The following RPL27A variants were observed in gnomAD, a reference collection of about 807,000 sequenced individuals.
The protein encoded by RPL27A is ribosomal protein L27a.
For missense variants in RPL27A, 118 were observed against 189.4 expected, an observed-to-expected ratio of 0.62 and a Z score of 2.21; for synonymous variants, 69 against 68.3, an observed-to-expected ratio of 1.01 and a Z score of -0.05.
chr11:8,687,685 G>C lies in RPL27A; in HGVS notation c.*1879G>C, dbSNP rs912497039. ...GCTCTGTCGCCCAGGCTGGAGTGCA[G>C]TGGTGCGATCTCAGATCACTGCAAG... On this transcript the variant is annotated 3_prime_UTR_variant, in exon 5 of 5. Transcript: ENST00000314138. The C allele has an allele frequency of 2.0e-5, 3 of 152,308 alleles. No individual in the cohort carries two copies. The highest frequency in any genetic ancestry group is 4.8e-5 in the African/African-American group (2 of 41,470). 9.4% of individuals were successfully genotyped at this position (152,308 alleles called of 1,614,324 possible).
Position 8,684,837 on chromosome 11 carries a change from T to G in RPL27A, c.263T>G (p.Val88Gly). The change falls in exon 4 of 5, where the codon GTG (valine) becomes GGG (glycine). Residue 88 changes from valine to glycine, a missense_variant. By Grantham distance (109) the Val-to-Gly change is moderately radical. Coordinates refer to ENST00000314138, the MANE Select transcript of RPL27A (RefSeq NM_000990.5). The part of the protein sequence containing the change: ...LWTLVSEQTR[V>G]NAAKNKTGAA... The stretch of plus-strand genomic sequence containing the variant: ...ACTTTGGTCAGTGAACAGACACGGG[T>G]GAATGCTGCTAAAAACAAGACTGGG... The G allele has an allele frequency of 2.5e-6, 4 of 1,614,030 alleles. No individual in the cohort carries two copies. Among genetic ancestry groups the G allele is most frequent in the Non-Finnish European group, 3.4e-6 (4 of 1,179,894 alleles).
intron 2 of RPL27A, 159 bp from the exon 3 acceptor site, chr11:8,683,847 C>G (rs1417793583): frequency 3.0e-6 from 2 of 676,346 alleles, no homozygotes; most frequent in South Asian, 1.5e-5. Flanking sequence ...CCGGCTAATT[C>G]TTTTTCTATT....
rs747224686 is a variant in RPL27A at position 8,684,867 on chromosome 11, C to T, written c.293C>T (p.Ala98Val). Residue 98 changes from alanine (A) to valine (V), a missense_variant, in exon 4 of 5, where the codon GCT becomes GTT. Transcript: ENST00000314138. ...VNAAKNKTGA[A>V]PIIDVVRSGY... ...GCTGCTAAAAACAAGACTGGGGCTG[C>T]TCCCATCATTGATGTGGTGCGATCG... The T allele has an allele frequency of 6.2e-7, 1 of 1,614,132 alleles. No individual in the cohort carries two copies. The highest frequency in any genetic ancestry group is 8.5e-7 in the Non-Finnish European group (1 of 1,179,982).
chr11:8,683,385 C>G, intron 2 of RPL27A, 120 bp downstream of exon 2: 1 of 805,524 alleles, frequency 1.2e-6, no homozygotes, highest in Non-Finnish European at 2.1e-6. Flanking sequence ...AGTTGCACAG[C>G]TGTTGATTTT....
At chr11:8,685,467 A>G (rs2039577587) in intron 4 of RPL27A, 1 of 717,306 alleles carries the variant, frequency 1.4e-6, no homozygotes, top group South Asian at 1.4e-5. Flanking sequence ...TCCTGACACA[A>G]CTCTTGTCCT....
chr11:8,684,345 T>C (rs1379179241), intron 3 of RPL27A: 8 of 734,302 alleles, frequency 1.1e-5, no homozygotes, highest in Non-Finnish European at 2.0e-5. Context: ...AGTCACCAGG[T>C]TAGAGACATG....
Position 8,685,822 on chromosome 11 carries a change from G to A in RPL27A, c.*16G>A. ...GGTGGCTTGAAGCCACATGGAGGGAGTTTCATTAAATGCTAACTACTTTTT... is the reference window on the plus strand; with the variant it reads ...GGTGGCTTGAAGCCACATGGAGGGAATTTCATTAAATGCTAACTACTTTTT... On this transcript the variant is annotated 3_prime_UTR_variant, in exon 5 of 5. Coordinates refer to ENST00000314138, the MANE Select transcript of RPL27A (RefSeq NM_000990.5). 1 of 1,612,770 alleles carries A rather than the reference G, an allele frequency of 6.2e-7. No homozygotes were observed. Among genetic ancestry groups the A allele is most frequent in the Non-Finnish European group, 8.5e-7 (1 of 1,179,282 alleles).
chr11:8,685,552 C>T (rs1229185275), intron 4 of RPL27A, 126 bp from the exon 5 acceptor site: 2 of 1,065,672 alleles, frequency 1.9e-6, no homozygotes. Flanking sequence ...CCCGTTAGTG[C>T]CCAGATCAGA....
intron 2 of RPL27A, 73 bp from the exon 3 acceptor site, chr11:8,683,933 T>C (rs7951084): frequency 0.16 from 196,323 of 1,204,760 alleles, 15,160 homozygotes; most frequent in East Asian, 0.25. Context: ...CTACCCCCCC[T>C]CGTCCTCCTA....
chr11:8,688,947 T>C lies in RPL27A; in HGVS notation c.*3141T>C, dbSNP rs1041132910. 3.9e-5 allele frequency: 6 copies of C among 152,244 alleles called. No homozygotes were observed. Among genetic ancestry groups the C allele is most frequent in the Admixed American group, 1.3e-4 (2 of 15,290 alleles). 9.4% of individuals were successfully genotyped at this position (152,244 alleles called of 1,614,324 possible). ...CGTCCTCACAACACAGACCGGACCT[T>C]GGGTCTTACCCCGGCACCTGAGAAC... On this transcript the variant is annotated 3_prime_UTR_variant, in exon 5 of 5. Coordinates refer to ENST00000314138, the MANE Select transcript of RPL27A (RefSeq NM_000990.5).
In RPL27A at chr11:8,685,690, G is replaced by C. The variant is rs765217724; in HGVS notation, c.331G>C (p.Val111Leu). The change falls in exon 5 of 5, where the codon GTT (valine) becomes CTT (leucine). Residue 111 changes from valine to leucine, a missense_variant. Transcript: ENST00000314138. ...TCTGTTCTTCTAGGGCTACTACAAAGTTCTGGGAAAGGGAAAGCTCCCAAA... is the reference window on the plus strand; with the variant it reads ...TCTGTTCTTCTAGGGCTACTACAAACTTCTGGGAAAGGGAAAGCTCCCAAA... ...IDVVRSGYYKVLGKGKLPKQP... is the reference protein window; with the variant it reads ...IDVVRSGYYKLLGKGKLPKQP... The C allele has an allele frequency of 6.2e-7, 1 of 1,614,136 alleles. No homozygotes were observed. Among genetic ancestry groups the C allele is most frequent in the South Asian group, 1.1e-5 (1 of 91,078 alleles).
rs1342275315 is a variant in RPL27A, at chr11:8,685,934, G to GAT, written c.*129_*130insTA. On this transcript the variant is annotated 3_prime_UTR_variant, in exon 5 of 5. Coordinates refer to ENST00000314138, the MANE Select transcript of RPL27A (RefSeq NM_000990.5). The stretch of plus-strand genomic sequence containing the variant: ...CAGGTTCTAGTACTTAGGGTATGAA[G>GAT]ACATGGGGTCCTCTCCTGACTTCCC... 4.8e-6 allele frequency: 4 copies of GAT among 830,584 alleles called. No individual in the cohort carries two copies. In the African/African-American group the frequency reaches 6.8e-5, roughly 14 times the overall value. 51.5% of individuals were successfully genotyped at this position (830,584 alleles called of 1,614,324 possible). A position where few individuals can be genotyped will look rare whatever the true frequency, so the allele number is the denominator to read the frequency against.
chr11:8,685,460 T>C (rs1183793622), intron 4 of RPL27A: 2 of 710,340 alleles, frequency 2.8e-6, no homozygotes, highest in South Asian at 2.7e-5. Context: ...AGTCACATCC[T>C]GACACAACTC....
chr11:8,683,921 A>T, intron 2 of RPL27A, 85 bp from the exon 3 acceptor site: 1 of 1,061,140 alleles, frequency 9.4e-7, no homozygotes, highest in South Asian at 1.2e-5. Flanking sequence ...ACCTCAGGTG[A>T]TCTACCCCCC....
At chr11:8,684,529 A>G in intron 3 of RPL27A, 189 bp from the exon 4 acceptor site, 2 of 669,920 alleles carry the variant, frequency 3.0e-6, no homozygotes, top group Admixed American at 4.9e-5. Context: ...AAATAAGACT[A>G]GCCTTTTCCT....
Position 8,685,965 on chromosome 11 carries a change from T to C in RPL27A, c.*159T>C. On this transcript the variant is annotated 3_prime_UTR_variant, in exon 5 of 5. Transcript: ENST00000314138. ...GGGTCCTCTCCTGACTTCCCTCAAA[T>C]ATATGGTAAACGTAAGACCAACACA... The C allele has an allele frequency of 1.6e-6, 1 of 641,872 alleles. No homozygotes were observed. The highest frequency in any genetic ancestry group is 2.7e-6 in the Non-Finnish European group (1 of 373,134). The allele number at this position is 641,872 out of a possible 1,614,324, so 39.8% of individuals were successfully genotyped here. A position where few individuals can be genotyped will look rare whatever the true frequency, so the allele number is the denominator to read the frequency against.
intron 4 of RPL27A, 150 bp from the exon 5 acceptor site, chr11:8,685,528 G>A: frequency 2.4e-6 from 2 of 819,360 alleles, no homozygotes; most frequent in Non-Finnish European, 4.3e-6. Flanking sequence ...TCACTGGTGG[G>A]GGCAGTCGGT....
chr11:8,683,983 C>T (rs201222615), intron 2 of RPL27A, 23 bp from the exon 3 acceptor site: 4 of 1,604,394 alleles, frequency 2.5e-6, no homozygotes, highest in East Asian at 4.5e-5. Context: ...ACACCGGCCC[C>T]ACGTAGCTTT....
At chr11:8,683,792 C>G in intron 2 of RPL27A, 1 of 570,060 alleles carries the variant, frequency 1.8e-6, no homozygotes, top group Non-Finnish European at 3.2e-6. Context: ...ATTCTCCTGC[C>G]TCAGCCTCCC....
Sources: gnomAD v4.1 joint callset for allele counts on GRCh38, gnomAD v4.1.1 for gene constraint, MANE v1.5 for transcripts, NCBI Gene and HGNC (gene_info 2026-07-23, HGNC 2026-07-21) for gene names.